Variants in MACROD2 observed in about 807,000 individuals in gnomAD.
MACROD2 encodes mono-ADP ribosylhydrolase 2.
MACROD2 carries 36 observed loss-of-function variants against 70.4 expected under a neutral mutation model. The observed-to-expected ratio is 0.51, with a 90% confidence interval of 0.39 to 0.68. MACROD2 has a LOEUF of 0.68. Ranked by LOEUF, MACROD2 falls within the 30% of genes least tolerant of loss-of-function variation. The probability of loss-of-function intolerance (pLI) is 0.00; values close to 1 mark genes in which losing one functional copy is unlikely to be tolerated. For missense variants in MACROD2, 496 were observed against 538.4 expected (o/e 0.92, Z 0.78); for synonymous variants, 172 against 178.8 (o/e 0.96, Z 0.30).
intron 5 of MACROD2, among the ~76,000 whole-genome samples, chr20:15,102,969 A>C (rs539295205): frequency 6.6e-6 from 1 of 152,250 alleles, no homozygotes; most frequent in East Asian, 1.9e-4. Flanking sequence ...GCCTTTATAA[A>C]ATGTTTAAAA....
At chr20:14,842,470 T>G (rs1385942060) in intron 5 of MACROD2, among the ~76,000 whole-genome samples, 1 of 152,132 alleles carries the variant, frequency 6.6e-6, no homozygotes, top group Non-Finnish European at 1.5e-5. Flanking sequence ...CCTGTCTTTA[T>G]TAAAAATTAT....
rs369339193 is a variant in MACROD2, at chr20:15,454,193, A to G, written c.571+22758A>G. ...TGAATCATTTTTGTGTGCTTTAACT[A>G]TTGTGTGTTTGTTCAGCTGTATCTT... On this transcript the variant is annotated intron_variant, in intron 7 of 17. Transcript: ENST00000684519. Among the ~76,000 whole-genome samples, 35 of 152,230 alleles carry G rather than the reference A, an allele frequency of 2.3e-4. No individual in the cohort carries two copies. The South Asian group carries it at 6.6e-3, about 29-fold the overall frequency.
At chr20:14,446,513 T>C (rs1005132777) in intron 3 of MACROD2, among the ~76,000 whole-genome samples, 1 of 151,932 alleles carries the variant, frequency 6.6e-6, no homozygotes, top group African/African-American at 2.4e-5. Flanking sequence ...AGGATGAACC[T>C]GGAAGGAACT....
chr20:14,254,906 C>A (rs2082040539), intron 3 of MACROD2, among the ~76,000 whole-genome samples: 1 of 152,118 alleles, frequency 6.6e-6, no homozygotes, highest in African/African-American at 2.4e-5. Context: ...ATGTTTAGTG[C>A]TTCCTTCAGG....
chr20:14,195,352 A>C (rs928902830), intron 3 of MACROD2, among the ~76,000 whole-genome samples: 17 of 152,054 alleles, frequency 1.1e-4, no homozygotes, highest in Admixed American at 3.9e-4. Flanking sequence ...GGTGCTTGGA[A>C]TGTCCCTCTG....
intron 3 of MACROD2, among the ~76,000 whole-genome samples, chr20:14,434,594 A>T (rs1483469869): frequency 6.6e-6 from 1 of 152,178 alleles, no homozygotes; most frequent in Non-Finnish European, 1.5e-5. Flanking sequence ...AGGTGAGTCA[A>T]GCACATTGCT....
intron 5 of MACROD2, among the ~76,000 whole-genome samples, chr20:15,023,317 G>A (rs950861334): frequency 6.6e-6 from 1 of 152,156 alleles, no homozygotes; most frequent in African/African-American, 2.4e-5. Flanking sequence ...ACTCTGAGAG[G>A]CTTACTTGGG....
intron 5 of MACROD2, among the ~76,000 whole-genome samples, chr20:14,966,148 A>G (rs2074634429): frequency 6.6e-6 from 1 of 152,222 alleles, no homozygotes; most frequent in African/African-American, 2.4e-5. Flanking sequence ...CATAAGCAAT[A>G]AAGCCACTGT....
At chr20:15,291,792 CAT>C (rs1295392936) in intron 6 of MACROD2, among the ~76,000 whole-genome samples, 2 of 152,064 alleles carry the variant, frequency 1.3e-5, no homozygotes, top group Admixed American at 1.3e-4. Context: ...GTGTTTGTAA[CAT>C]ATAAATCATC....
chr20:15,397,606 G>T (rs1855587698), intron 6 of MACROD2, among the ~76,000 whole-genome samples: 2 of 152,148 alleles, frequency 1.3e-5, no homozygotes, highest in African/African-American at 4.8e-5. Flanking sequence ...CTAGCCTCTT[G>T]CATTTTCTAT....
chr20:15,013,172 T>C (rs1382572152), intron 5 of MACROD2, among the ~76,000 whole-genome samples: 1 of 152,074 alleles, frequency 6.6e-6, no homozygotes, highest in East Asian at 1.9e-4. Flanking sequence ...TTGCATTCCC[T>C]CCTGGCAACT....
At position 15,494,736 on chromosome 20, in the gene MACROD2, GGT is replaced by G. The variant is rs550716316; in HGVS notation, c.572-5012_572-5011del. 2.7e-3 allele frequency among the ~76,000 whole-genome samples: 302 copies of G among 110,088 alleles called. 5 individuals are homozygous for G. In the South Asian group the frequency reaches 0.05, roughly 18 times the overall value. 72.2% of individuals were successfully genotyped at this position (110,088 alleles called of 152,430 possible). Reference sequence around the variant, plus strand: ...TCTTATACCTTGAGCTGCATAATGGGGTGTGTGTGTGTGTGTGTGTGTGTGTG... The same window carrying G: ...TCTTATACCTTGAGCTGCATAATGGGGTGTGTGTGTGTGTGTGTGTGTGTG... On this transcript the variant is annotated intron_variant, in intron 7 of 17. Transcript: ENST00000684519.
At chr20:15,920,093 C>T (rs2147287099) in intron 10 of MACROD2, among the ~76,000 whole-genome samples, 1 of 152,056 alleles carries the variant, frequency 6.6e-6, no homozygotes, top group South Asian at 2.1e-4. Context: ...AGTAATTTAC[C>T]CTAAATTGAA....
intron 3 of MACROD2, among the ~76,000 whole-genome samples, chr20:14,194,505 C>T (rs992420453): frequency 6.6e-6 from 1 of 152,134 alleles, no homozygotes; most frequent in African/African-American, 2.4e-5. Context: ...ATAAGTGACA[C>T]TGTGGCGAGG....
At chr20:14,103,401 C>G in intron 3 of MACROD2, among the ~76,000 whole-genome samples, 1 of 152,122 alleles carries the variant, frequency 6.6e-6, no homozygotes, top group East Asian at 1.9e-4. Flanking sequence ...TTTTAGAGAT[C>G]GTCTTCTCTC....
At chr20:14,942,197 A>G (rs893272043) in intron 5 of MACROD2, among the ~76,000 whole-genome samples, 3 of 151,996 alleles carry the variant, frequency 2.0e-5, no homozygotes, top group Non-Finnish European at 4.4e-5. Context: ...TAAATATCTG[A>G]TATCAATCAT....
At chr20:14,517,161 C>T (rs2085110528) in intron 4 of MACROD2, among the ~76,000 whole-genome samples, 1 of 152,096 alleles carries the variant, frequency 6.6e-6, no homozygotes, top group Non-Finnish European at 1.5e-5. Flanking sequence ...CCAGAAATAC[C>T]ATTTGACCCA....
rs553751853 is a variant in MACROD2, at chr20:15,138,675, G to A, written c.419-91265G>A. 3.3e-5 allele frequency among the ~76,000 whole-genome samples: 5 copies of A among 152,268 alleles called. No homozygotes were observed. In the East Asian group the frequency reaches 7.7e-4, roughly 23 times the overall value. ...GTGCTCTGCCAGCTTGGCATTGAAT[G>A]TGTTTGTTTTATGTAGAGTGTGGTA... On this transcript the variant is annotated intron_variant, in intron 5 of 17. Transcript: ENST00000684519.
chr20:15,581,329 C>T (rs1195284308), intron 8 of MACROD2, among the ~76,000 whole-genome samples: 1 of 152,240 alleles, frequency 6.6e-6, no homozygotes, highest in Non-Finnish European at 1.5e-5. Context: ...GGTTGTCACC[C>T]AAGCCCTGCT....
Sources: allele counts gnomAD v4.1 joint callset (sites outside exome capture counted in the v4.1 genomes callset), GRCh38; gene constraint gnomAD v4.1.1; transcripts MANE v1.5; gene names NCBI Gene and HGNC (gene_info 2026-07-23, HGNC 2026-07-21).